The following NEK6 variants were observed in gnomAD, a reference collection of about 807,000 sequenced individuals.
NEK6 encodes serine/threonine-protein kinase Nek6.
A neutral mutation model predicts 43.5 loss-of-function variants in NEK6; 27 were observed. The observed-to-expected ratio is 0.62, with a 90% CI of 0.46 to 0.86. The LOEUF is 0.86. Ranked by LOEUF, NEK6 falls within the 40% of genes least tolerant of loss-of-function variation. The pLI is 0.00. For missense variants in NEK6, 318 were observed against 414.4 expected (o/e 0.77, Z 2.02); for synonymous variants, 167 against 164.1 (o/e 1.02, Z -0.14).
chr9:124,350,048 G>A (rs929538462), intron 9 of NEK6, among the ~76,000 whole-genome samples: 1 of 152,206 alleles, frequency 6.6e-6, no homozygotes, highest in African/African-American at 2.4e-5. Context: ...CCCAGTCCCT[G>A]AGTGAGTGTG....
intron 7 of NEK6, among the ~76,000 whole-genome samples, chr9:124,335,134 G>T (rs1027208544): frequency 1.3e-5 from 2 of 152,076 alleles, no homozygotes; most frequent in African/African-American, 4.8e-5. Context: ...TCCATCCATA[G>T]CACCCAGGTG....
intron 1 of NEK6, among the ~76,000 whole-genome samples, chr9:124,264,238 G>T (rs776719218): frequency 2.0e-5 from 3 of 152,234 alleles, no homozygotes; most frequent in Non-Finnish European, 4.4e-5. Flanking sequence ...CTCTGGGGCG[G>T]CTTCTCTGCC....
At chr9:124,321,944 A>G (rs139353751) in intron 5 of NEK6, among the ~76,000 whole-genome samples, 10 of 152,358 alleles carry the variant, frequency 6.6e-5, no homozygotes, top group Non-Finnish European at 1.3e-4. Context: ...CCACAGGCAC[A>G]TGAGCCACTT....
chr9:124,257,677 T>C (rs139361501), upstream of NEK6: 6 of 1,532,642 alleles, frequency 3.9e-6, no homozygotes, highest in African/African-American at 5.5e-5. Flanking sequence ...ACCCTCATCA[T>C]AAGTCTAGAG....
intron 7 of NEK6, 24 bp downstream of exon 7, chr9:124,327,469 C>T: frequency 6.4e-7 from 1 of 1,566,860 alleles, no homozygotes. Flanking sequence ...GTCTGTGCCC[C>T]AGCAGCCCCC....
chr9:124,350,115 G>C (rs1011408248), intron 9 of NEK6, among the ~76,000 whole-genome samples: 5 of 151,222 alleles, frequency 3.3e-5, no homozygotes, highest in African/African-American at 1.2e-4. Flanking sequence ...TCCTGCTGCT[G>C]CTGCTGCTTC....
Position 124,343,103 on chromosome 9 carries a change from A to C in NEK6, c.717+3438A>C, listed in dbSNP as rs1829732032. ...CTCATTTGTGGGCACCTAAATGTGC[A>C]TCTCACAAGGCAGTCCCGCCTTCGT... is the stretch of plus-strand genomic sequence containing the variant. On this transcript the variant is annotated intron_variant, in intron 8 of 9. Transcript: ENST00000320246. The surrounding 1 kb of genome is among the most constrained non-coding windows in gnomAD (Gnocchi z 5.1). Among the ~76,000 whole-genome samples the C allele has an allele frequency of 6.6e-6, 1 of 152,112 alleles. No homozygotes were observed. Among genetic ancestry groups the C allele is most frequent in the East Asian group, 1.9e-4 (1 of 5,182 alleles).
At chr9:124,342,817 CACAT>C (rs983000713) in intron 8 of NEK6, among the ~76,000 whole-genome samples, 2 of 141,722 alleles carry the variant, frequency 1.4e-5, no homozygotes, top group African/African-American at 5.0e-5. Context: ...GGGCTCTCCA[CACAT>C]AAACACACAC....
chr9:124,310,314 A>G (rs1018668809), intron 2 of NEK6, among the ~76,000 whole-genome samples: 17 of 152,260 alleles, frequency 1.1e-4, no homozygotes, highest in Admixed American at 9.2e-4. Flanking sequence ...CCCAGCATGC[A>G]GTAGACACTC....
intron 7 of NEK6, among the ~76,000 whole-genome samples, chr9:124,338,585 T>A (rs1426790041): frequency 2.0e-5 from 3 of 152,258 alleles, no homozygotes. Flanking sequence ...CGTTTCCTTT[T>A]TGGTTAGTGC....
intron 8 of NEK6, among the ~76,000 whole-genome samples, chr9:124,342,507 G>A (rs1235917393): frequency 2.0e-5 from 3 of 152,262 alleles, no homozygotes; most frequent in East Asian, 3.8e-4. Flanking sequence ...AGTGAGGAAG[G>A]AATGAGGCCC....
chr9:124,302,059 G>T lies in NEK6; in HGVS notation c.90+5G>T. 6.3e-7 allele frequency: 1 copy of T among 1,590,456 alleles called. No homozygotes were observed. The highest frequency in any genetic ancestry group is 8.6e-7 in the Non-Finnish European group (1 of 1,165,948). ...GTGCATCCTCCTGACCCACAGGTAA[G>T]CCCCTTACCTTTGTCTGCAGCACAC... On this transcript the variant is annotated splice_donor_5th_base_variant and intron_variant, in intron 2 of 9. Transcript: ENST00000320246.
intron 7 of NEK6, among the ~76,000 whole-genome samples, chr9:124,331,539 A>G (rs1828999772): frequency 6.6e-6 from 1 of 152,168 alleles, no homozygotes; most frequent in Admixed American, 6.5e-5. Context: ...GCGAGACCTC[A>G]GGTGCGAGGA....
intron 1 of NEK6, among the ~76,000 whole-genome samples, chr9:124,258,886 C>CACCCGAGG (rs1156980258): frequency 1.3e-5 from 2 of 152,366 alleles, no homozygotes; most frequent in African/African-American, 4.8e-5. Context: ...CTCGGCCGGG[C>CACCCGAGG]ACCCGAGGAC....
rs576412804 is a variant in NEK6 at position 124,335,538 on chromosome 9, C to T, written c.623-4033C>T. Among the ~76,000 whole-genome samples the T allele has an allele frequency of 9.2e-5, 14 of 152,316 alleles. No individual in the cohort carries two copies. The East Asian group carries it at 9.6e-4, about 10-fold the overall frequency. On this transcript the variant is annotated intron_variant, in intron 7 of 9. Transcript: ENST00000320246. ...AATCACATTTCAGACAGTTGAGCTCCGGGCAGCCATCAGTTAAATGAGCAG... is the reference window on the plus strand; with the variant it reads ...AATCACATTTCAGACAGTTGAGCTCTGGGCAGCCATCAGTTAAATGAGCAG...
intron 4 of NEK6, among the ~76,000 whole-genome samples, chr9:124,314,777 C>T (rs925876285): frequency 2.0e-5 from 3 of 152,116 alleles, no homozygotes; most frequent in Non-Finnish European, 4.4e-5. Flanking sequence ...AAGCAGTTCT[C>T]CTGTCTCAGT....
intron 1 of NEK6, among the ~76,000 whole-genome samples, chr9:124,280,366 G>A (rs186988532): frequency 1.7e-3 from 259 of 152,356 alleles, no homozygotes; most frequent in African/African-American, 5.5e-3. Flanking sequence ...GGAAGGGTAC[G>A]GCGTCAGACC....
chr9:124,307,946 C>T (rs1257034866), intron 2 of NEK6, among the ~76,000 whole-genome samples: 1 of 152,210 alleles, frequency 6.6e-6, no homozygotes, highest in East Asian at 1.9e-4. Context: ...TCCCAGTCCC[C>T]GGGGAAGCAG....
At chr9:124,310,540 TC>T (rs1187324116) in intron 2 of NEK6, among the ~76,000 whole-genome samples, 2 of 152,314 alleles carry the variant, frequency 1.3e-5, no homozygotes, top group Non-Finnish European at 1.5e-5. Flanking sequence ...AGGCCTGGAC[TC>T]CCATCACTCA....
Sources: allele counts gnomAD v4.1 joint callset (sites outside exome capture counted in the v4.1 genomes callset), GRCh38; gene constraint gnomAD v4.1.1; non-coding constraint Gnocchi (gnomAD v3.1); transcripts MANE v1.5; gene names NCBI Gene and HGNC (gene_info 2026-07-23, HGNC 2026-07-21).